The following LPAR3 variants were observed in gnomAD, a reference collection of about 807,000 sequenced individuals.
LPAR3 encodes the protein lysophosphatidic acid receptor 3, also known as LPA receptor 3.
LPAR3 carries 7 observed loss-of-function variants against 17.8 expected under a neutral mutation model. That is an observed-to-expected ratio of 0.39 (90% CI 0.22 to 0.74). The LOEUF (loss-of-function observed/expected upper bound fraction) is 0.74, where lower values mean the gene tolerates loss of function less well. Among genes scored for constraint, LPAR3 ranks in the 30% least tolerant of loss-of-function variants. The pLI, the probability that LPAR3 is intolerant of heterozygous loss-of-function variation, is 0.40. For synonymous variants in LPAR3, 179 were observed against 179.9 expected (o/e 0.99, Z 0.04); for missense variants, 391 against 453.4 (o/e 0.86, Z 1.25).
chr1:84,833,883 GTCAAAC>G (rs1295949173), intron 2 of LPAR3, among the ~76,000 whole-genome samples: 2 of 152,186 alleles, frequency 1.3e-5, no homozygotes, highest in Admixed American at 1.3e-4. Flanking sequence ...TTTAAAGATG[GTCAAAC>G]TCAAACTCAA....
intron 2 of LPAR3, among the ~76,000 whole-genome samples, chr1:84,851,453 C>T (rs1443613300): frequency 6.6e-6 from 1 of 152,180 alleles, no homozygotes. Flanking sequence ...AGTGAAAACA[C>T]ACACACACAG....
At chr1:84,884,862 T>C (rs1660429329) in intron 1 of LPAR3, among the ~76,000 whole-genome samples, 1 of 152,236 alleles carries the variant, frequency 6.6e-6, no homozygotes, top group Non-Finnish European at 1.5e-5. Flanking sequence ...TTGTGGAAAG[T>C]TGCATACTTG....
At chr1:84,833,751 C>G (rs1659338974) in intron 2 of LPAR3, among the ~76,000 whole-genome samples, 1 of 152,180 alleles carries the variant, frequency 6.6e-6, no homozygotes, top group South Asian at 2.1e-4. Flanking sequence ...TAAGAACACC[C>G]AGCTGCAGGG....
intron 1 of LPAR3, among the ~76,000 whole-genome samples, chr1:84,889,751 C>T (rs1033469842): frequency 6.6e-6 from 1 of 152,160 alleles, no homozygotes; most frequent in African/African-American, 2.4e-5. Flanking sequence ...CTGCCAACCC[C>T]CAATAGCCAG....
At chr1:84,839,364 A>G (rs1355583012) in intron 2 of LPAR3, among the ~76,000 whole-genome samples, 3 of 152,226 alleles carry the variant, frequency 2.0e-5, no homozygotes, top group African/African-American at 4.8e-5. Flanking sequence ...ATTAAGTTCA[A>G]TAAGTGTTTG....
rs188073764 is a variant in LPAR3, at chr1:84,883,824, T to C, written c.-19+9192A>G. On this transcript the variant is annotated intron_variant, in intron 1 of 2. Transcript: ENST00000370611. ...ATGTAAGACGTAGATTTGTTCTCCA[T>C]AATGACATTAATGCCTTTTGCAAAC... Among the ~76,000 whole-genome samples the C allele has an allele frequency of 5.3e-3, 814 of 152,214 alleles. 4 individuals are homozygous for C. The highest frequency in any genetic ancestry group is 8.6e-3 in the Non-Finnish European group (585 of 68,014).
intron 2 of LPAR3, among the ~76,000 whole-genome samples, chr1:84,865,164 C>A (rs1334713968): frequency 6.6e-6 from 1 of 152,170 alleles, no homozygotes; most frequent in Non-Finnish European, 1.5e-5. Flanking sequence ...GATTTTTCCA[C>A]AGGAGACTCA....
At chr1:84,857,954 T>C (rs760941860) in intron 2 of LPAR3, among the ~76,000 whole-genome samples, 10 of 152,206 alleles carry the variant, frequency 6.6e-5, no homozygotes, top group Non-Finnish European at 1.3e-4. Flanking sequence ...TATTAATAAT[T>C]TTATCAATAC....
At chr1:84,840,079 C>A (rs1463826971) in intron 2 of LPAR3, among the ~76,000 whole-genome samples, 1 of 151,932 alleles carries the variant, frequency 6.6e-6, no homozygotes, top group African/African-American at 2.4e-5. Context: ...TGTGCCACCA[C>A]ACCTGGCTTA....
chr1:84,829,152 ATTTTTTTTTTT>A lies in LPAR3; in HGVS notation c.737-14992_737-14982del, dbSNP rs56095946. On this transcript the variant is annotated intron_variant, in intron 2 of 2. Coordinates refer to ENST00000370611, the MANE Select transcript of LPAR3 (RefSeq NM_012152.3). The stretch of plus-strand genomic sequence containing the variant: ...TGATTTCCTTGTATCCCTCTCTGCA[ATTTTTTTTTTT>A]TTTTTTTTTTTTTTTTTGCTTATTG... Among the ~76,000 whole-genome samples, 22 of 55,548 alleles carry A rather than the reference ATTTTTTTTTTT, an allele frequency of 4.0e-4. 1 individual carries two copies. The highest frequency in any genetic ancestry group is 1.8e-3 in the African/African-American group (18 of 10,238). 36.4% of individuals were successfully genotyped at this position (55,548 alleles called of 152,430 possible).
rs747533306 is a variant in LPAR3 at position 84,811,896 on chromosome 1, C to CATA, written c.*1947_*1949dup. The CATA allele has an allele frequency of 9.9e-5, 15 of 152,096 alleles. No individual in the cohort carries two copies. The highest frequency in any genetic ancestry group is 2.2e-4 in the Non-Finnish European group (15 of 68,012). 9.4% of individuals were successfully genotyped at this position (152,096 alleles called of 1,614,324 possible). On this transcript the variant is annotated 3_prime_UTR_variant, in exon 3 of 3. Coordinates refer to ENST00000370611, the MANE Select transcript of LPAR3 (RefSeq NM_012152.3). ...ATCAGAATACACTCTAAATGTTTTA[C>CATA]ATAGAAAACTCTCGTTGGTAGCCTG...
At chr1:84,871,643 A>G (rs1393678453) in intron 1 of LPAR3, among the ~76,000 whole-genome samples, 1 of 152,218 alleles carries the variant, frequency 6.6e-6, no homozygotes, top group African/African-American at 2.4e-5. Flanking sequence ...CTAGCAACCA[A>G]TCCTGGGTCA....
intron 1 of LPAR3, among the ~76,000 whole-genome samples, chr1:84,881,951 C>T (rs1660374237): frequency 6.6e-6 from 1 of 152,172 alleles, no homozygotes; most frequent in South Asian, 2.1e-4. Context: ...CTTATCACTG[C>T]TATTCGACAT....
At chr1:84,837,144 C>T (rs1659420494) in intron 2 of LPAR3, among the ~76,000 whole-genome samples, 1 of 151,712 alleles carries the variant, frequency 6.6e-6, no homozygotes, top group Non-Finnish European at 1.5e-5. Flanking sequence ...GCCTTAGCCT[C>T]CTGAGTAGCT....
chr1:84,850,619 C>T (rs1012783464), intron 2 of LPAR3, among the ~76,000 whole-genome samples: 2 of 152,024 alleles, frequency 1.3e-5, no homozygotes, highest in Admixed American at 6.6e-5. Context: ...AACTAACAAT[C>T]ACCAGGGACT....
chr1:84,831,804 A>G (rs1435274395), intron 2 of LPAR3, among the ~76,000 whole-genome samples: 1 of 150,036 alleles, frequency 6.7e-6, no homozygotes, highest in Non-Finnish European at 1.5e-5. Flanking sequence ...GCCACCTGTG[A>G]TAACAGTTTC....
chr1:84,838,291 A>T (rs1659443074), intron 2 of LPAR3, among the ~76,000 whole-genome samples: 1 of 152,158 alleles, frequency 6.6e-6, no homozygotes, highest in Non-Finnish European at 1.5e-5. Flanking sequence ...TGACACGGGG[A>T]TCCATGGTGG....
At chr1:84,855,479 C>T (rs569706779) in intron 2 of LPAR3, among the ~76,000 whole-genome samples, 1 of 152,276 alleles carries the variant, frequency 6.6e-6, no homozygotes, top group South Asian at 2.1e-4. Flanking sequence ...TCTCCCTATA[C>T]CTTCTTTTCA....
chr1:84,837,238 G>A (rs925693364), intron 2 of LPAR3, among the ~76,000 whole-genome samples: 1 of 152,140 alleles, frequency 6.6e-6, no homozygotes, highest in African/African-American at 2.4e-5. Context: ...AGCCAGGGTG[G>A]TCTCGATCTC....
Sources: gnomAD v4.1 joint callset for allele counts (sites outside exome capture counted in the v4.1 genomes callset) on GRCh38, gnomAD v4.1.1 for gene constraint, MANE v1.5 for transcripts, NCBI Gene and HGNC (gene_info 2026-07-23, HGNC 2026-07-21) for gene names.